The following STRN3 variants were observed in gnomAD, a reference collection of about 807,000 sequenced individuals.
STRN3 encodes striatin 3, also known as striatin-3.
STRN3 carries 29 observed loss-of-function variants against 95.6 expected under a neutral mutation model. The ratio of observed to expected loss-of-function variants is 0.30; its 90% CI spans 0.23 to 0.41. The LOEUF (loss-of-function observed/expected upper bound fraction) is 0.41. Ranked by LOEUF, STRN3 falls within the 10% of genes least tolerant of loss-of-function variation. The pLI is 1.00. For missense variants in STRN3, 890 were observed against 972.1 expected (o/e 0.92, Z 1.12); for synonymous variants, 331 against 357.6 (o/e 0.93, Z 0.84).
Position 31,026,082 on chromosome 14 carries a change from T to C in STRN3, c.104A>G (p.Asn35Ser). ...AGGACCCCCGCCGCCCGCCGCTCCG[T>C]TCCCCCCGGGCGAAAGGCCCAGGTT... ...GGNLGLSPGG[N>S]GAAGGGGPPA... Residue 35 changes from asparagine to serine, a missense_variant, in exon 1 of 18, where the codon AAC (asparagine) becomes AGC (serine). This residue lies in a region of STRN3 where 526 missense variants were observed against 526.3 expected (regional missense o/e 1.00). Transcript: ENST00000357479. 6.5e-7 allele frequency: 1 copy of C among 1,529,752 alleles called. No homozygotes were observed. The highest frequency in any genetic ancestry group is 2.6e-5 in the East Asian group (1 of 38,678). The allele number at this position is 1,529,752 out of a possible 1,614,324, so 94.8% of individuals were successfully genotyped here. A position where few individuals can be genotyped will look rare whatever the true frequency, so the allele number is the denominator to read the frequency against.
At chr14:30,944,528 CATATATATACAT>C (rs1879253265) in intron 5 of STRN3, among the ~76,000 whole-genome samples, 1 of 137,920 alleles carries the variant, frequency 7.3e-6, no homozygotes, top group African/African-American at 2.7e-5. Flanking sequence ...AATATATACA[CATATATATACAT>C]GTATATATAC....
chr14:30,923,816 A>G (rs1482499771), intron 8 of STRN3, among the ~76,000 whole-genome samples: 1 of 152,162 alleles, frequency 6.6e-6, no homozygotes, highest in Non-Finnish European at 1.5e-5. Flanking sequence ...ATATCAAAGA[A>G]AGTCTTAAAA....
chr14:30,900,718 T>C (rs1160542345), intron 16 of STRN3, among the ~76,000 whole-genome samples: 1 of 147,486 alleles, frequency 6.8e-6, no homozygotes, highest in Non-Finnish European at 1.5e-5. Context: ...CACTGCACTA[T>C]AGCTCTGGGC....
intron 1 of STRN3, among the ~76,000 whole-genome samples, chr14:30,968,238 T>G (rs1880633361): frequency 6.7e-6 from 1 of 150,084 alleles, no homozygotes; most frequent in African/African-American, 2.5e-5. Flanking sequence ...TTAGACAGTC[T>G]AGTCCACCAA....
At chr14:30,917,189 C>A (rs1896761915) in intron 9 of STRN3, among the ~76,000 whole-genome samples, 1 of 152,146 alleles carries the variant, frequency 6.6e-6, no homozygotes, top group South Asian at 2.1e-4. Flanking sequence ...CCAGGAAGAT[C>A]GATACTTCAA....
chr14:30,965,194 T>C (rs946605590), intron 1 of STRN3, among the ~76,000 whole-genome samples: 7 of 152,260 alleles, frequency 4.6e-5, no homozygotes, highest in Middle Eastern at 3.4e-3. Flanking sequence ...AAAAGAAATA[T>C]GTCACCTAAT....
At chr14:30,975,985 G>C (rs2139209698) in intron 1 of STRN3, among the ~76,000 whole-genome samples, 1 of 151,982 alleles carries the variant, frequency 6.6e-6, no homozygotes, top group East Asian at 1.9e-4. Flanking sequence ...TCTCAAACCA[G>C]AGAAGGCAGA....
At chr14:30,994,379 C>A (rs1399341346) in intron 1 of STRN3, among the ~76,000 whole-genome samples, 1 of 152,156 alleles carries the variant, frequency 6.6e-6, no homozygotes, top group Non-Finnish European at 1.5e-5. Flanking sequence ...AGACTATCAA[C>A]TTGAGTTATA....
chr14:31,019,016 G>GA (rs1442066340), intron 1 of STRN3, among the ~76,000 whole-genome samples: 1 of 152,132 alleles, frequency 6.6e-6, no homozygotes, highest in African/African-American at 2.4e-5. Context: ...AGCTACTCTG[G>GA]AGGCTGAGGC....
chr14:30,929,239 T>C lies in STRN3; in HGVS notation c.1061A>G (p.Gln354Arg), dbSNP rs369613932. 1.6e-5 allele frequency: 26 copies of C among 1,613,434 alleles called. No homozygotes were observed. Among genetic ancestry groups the C allele is most frequent in the Middle Eastern group, 1.6e-4 (1 of 6,078 alleles). The change falls in exon 8 of 18, where the codon CAG (glutamine) becomes CGG (arginine). Residue 354 changes from glutamine (Q) to arginine (R), a missense_variant. Gln to Arg is a conservative substitution (Grantham distance 43). This residue lies in a region of STRN3 where 526 missense variants were observed against 526.3 expected (regional missense o/e 1.00). Transcript: ENST00000357479. ...DQGLISKLKE[Q>R]YKKERKGKKG... Reference sequence around the variant, plus strand: ...CTTCCCCTTTCGTTCCTTCTTGTACTGTTCCTTCAGTTTACTTATTAGTCC... The same window carrying C: ...CTTCCCCTTTCGTTCCTTCTTGTACCGTTCCTTCAGTTTACTTATTAGTCC...
At chr14:31,005,745 G>C (rs913244263) in intron 1 of STRN3, among the ~76,000 whole-genome samples, 3 of 152,168 alleles carry the variant, frequency 2.0e-5, no homozygotes, top group Non-Finnish European at 4.4e-5. Flanking sequence ...TTTTTACATA[G>C]CTAAAATTTT....
chr14:31,003,079 T>A (rs1882543766), intron 1 of STRN3, among the ~76,000 whole-genome samples: 1 of 151,706 alleles, frequency 6.6e-6, no homozygotes, highest in African/African-American at 2.4e-5. Context: ...CTGGCCAACA[T>A]GGTGAAACCC....
rs140510570 is a variant in STRN3 at position 30,990,307 on chromosome 14, T to C, written c.283-34065A>G. On this transcript the variant is annotated intron_variant, in intron 1 of 17. Coordinates refer to ENST00000357479, the MANE Select transcript of STRN3 (RefSeq NM_001083893.2). ...CCTCCCAAGTAGCTGGGACTATAGG[T>C]GCCCGCCACCAGCACACCCGGCTAA... is the stretch of plus-strand genomic sequence containing the variant. 2.9e-3 allele frequency among the ~76,000 whole-genome samples: 439 copies of C among 151,570 alleles called. 9 individuals are homozygous for C. Among genetic ancestry groups the C allele is most frequent in the African/African-American group, 0.01 (417 of 41,112 alleles).
chr14:30,986,566 T>A (rs893352185), intron 1 of STRN3, among the ~76,000 whole-genome samples: 1 of 152,214 alleles, frequency 6.6e-6, no homozygotes, highest in Non-Finnish European at 1.5e-5. Flanking sequence ...TTACTTTCCA[T>A]ACTATGCAGA....
At chr14:30,938,099 G>GT (rs10717397) in intron 5 of STRN3, among the ~76,000 whole-genome samples, 39 of 146,960 alleles carry the variant, frequency 2.7e-4, no homozygotes, top group East Asian at 1.8e-3. Context: ...TTTAATTGTC[G>GT]TTTTTTTTTT....
intron 1 of STRN3, among the ~76,000 whole-genome samples, chr14:31,012,831 T>C (rs1208581094): frequency 6.6e-6 from 1 of 151,130 alleles, no homozygotes; most frequent in Non-Finnish European, 1.5e-5. Context: ...AAGGCAGAGG[T>C]TGCAGTGAGC....
At chr14:31,018,672 CAGTT>C (rs1202386559) in intron 1 of STRN3, 2 of 465,298 alleles carry the variant, frequency 4.3e-6, no homozygotes, top group African/African-American at 4.1e-5. Flanking sequence ...TTTCAGAAAA[CAGTT>C]GGTGGTTTAA....
At chr14:30,946,916 T>C (rs1594477640) in intron 5 of STRN3, among the ~76,000 whole-genome samples, 174 bp downstream of exon 5, 1 of 150,704 alleles carries the variant, frequency 6.6e-6, no homozygotes, top group Non-Finnish European at 1.5e-5. Context: ...GAGGCGGAGG[T>C]TGCAGTGAGC....
intron 7 of STRN3, among the ~76,000 whole-genome samples, chr14:30,930,278 A>C (rs1878465618): frequency 6.6e-6 from 1 of 152,114 alleles, no homozygotes; most frequent in African/African-American, 2.4e-5. Context: ...ACAGCTCATA[A>C]GGAAGTTTAA....
Sources: gnomAD v4.1 joint callset for allele counts (sites outside exome capture counted in the v4.1 genomes callset) on GRCh38, gnomAD v4.1.1 for gene constraint, gnomAD v4.1.1 regional missense constraint, MANE v1.5 for transcripts, NCBI Gene and HGNC (gene_info 2026-07-23, HGNC 2026-07-21) for gene names.